The following HSD17B11 variants were observed in gnomAD, a reference collection of about 807,000 sequenced individuals.
The protein encoded by HSD17B11 is hydroxysteroid 17-beta dehydrogenase 11.
Under a neutral mutation model 27.8 loss-of-function variants are expected in HSD17B11, and 22 were observed. The observed-to-expected ratio is 0.79, with a 90% CI of 0.56 to 1.13. HSD17B11 has a LOEUF of 1.13. Ranked by LOEUF, HSD17B11 falls within the 50% of genes most tolerant of loss-of-function variation. The probability of loss-of-function intolerance (pLI) is 0.00; values close to 1 mark genes in which losing one functional copy is unlikely to be tolerated. For missense variants in HSD17B11, 314 were observed against 351.1 expected, an observed-to-expected ratio of 0.89 and a Z score of 0.84; for synonymous variants, 117 against 132.8, an observed-to-expected ratio of 0.88 and a Z score of 0.82.
intron 4 of HSD17B11, 46 bp downstream of exon 4, chr4:87,372,662 CA>C (rs773359342): frequency 1.7e-6 from 2 of 1,147,626 alleles, no homozygotes; most frequent in Non-Finnish European, 2.6e-6. Flanking sequence ...AAATCTCACA[CA>C]CAAGGTAGGC....
chr4:87,378,860 A>T (rs1330327079), intron 2 of HSD17B11, among the ~76,000 whole-genome samples: 2 of 22,432 alleles, frequency 8.9e-5, no homozygotes, highest in African/African-American at 7.7e-4. Context: ...ATATATAAAT[A>T]TATATAAATA....
At chr4:87,364,234 G>A (rs1690335003) in intron 4 of HSD17B11, among the ~76,000 whole-genome samples, 1 of 147,984 alleles carries the variant, frequency 6.8e-6, no homozygotes, top group Admixed American at 6.8e-5. Flanking sequence ...GGACTACTTG[G>A]GAAAAACAAA....
chr4:87,371,884 C>T (rs1735722008), intron 4 of HSD17B11, among the ~76,000 whole-genome samples: 2 of 152,072 alleles, frequency 1.3e-5, no homozygotes, highest in African/African-American at 4.8e-5. Flanking sequence ...TGGAAGTGTA[C>T]AAACCCCTTG....
intron 4 of HSD17B11, among the ~76,000 whole-genome samples, chr4:87,362,626 C>T (rs1411474935): frequency 6.6e-6 from 1 of 152,208 alleles, no homozygotes; most frequent in Non-Finnish European, 1.5e-5. Context: ...AGGTTTGGCA[C>T]TATGGGATGT....
At chr4:87,371,963 CT>C (rs1165260257) in intron 4 of HSD17B11, among the ~76,000 whole-genome samples, 1 of 152,166 alleles carries the variant, frequency 6.6e-6, no homozygotes. Flanking sequence ...CACTTCTCGG[CT>C]GGGCGAGGTG....
intron 3 of HSD17B11, among the ~76,000 whole-genome samples, chr4:87,373,800 A>G (rs1344957572): frequency 1.5e-5 from 2 of 134,202 alleles, no homozygotes; most frequent in Non-Finnish European, 3.2e-5. Context: ...TTAGCATAAA[A>G]TAACACTGCA....
At chr4:87,371,881 G>A (rs1043716763) in intron 4 of HSD17B11, among the ~76,000 whole-genome samples, 4 of 152,154 alleles carry the variant, frequency 2.6e-5, no homozygotes, top group Non-Finnish European at 1.5e-5. Flanking sequence ...AGCTGGAAGT[G>A]TACAAACCCC....
At chr4:87,347,103 ATTTTTTTTTTTTCTTT>A (rs1001155472) in intron 5 of HSD17B11, among the ~76,000 whole-genome samples, 1 of 62,596 alleles carries the variant, frequency 1.6e-5, no homozygotes, top group Non-Finnish European at 2.7e-5. Flanking sequence ...AGTATTCTGG[ATTTTTTTTTTTTCTTT>A]TTTTTTTTTT....
At chr4:87,342,095 G>GTT (rs1420799267) in intron 5 of HSD17B11, among the ~76,000 whole-genome samples, 5 of 152,096 alleles carry the variant, frequency 3.3e-5, no homozygotes, top group African/African-American at 1.2e-4. Context: ...GTTAAAAGAA[G>GTT]TGAGACACCA....
chr4:87,356,138 A>G (rs72652029), intron 5 of HSD17B11, among the ~76,000 whole-genome samples: 27,631 of 152,056 alleles, frequency 0.18, 2,705 homozygotes, highest in African/African-American at 0.25. Flanking sequence ...AGAAGTAGAG[A>G]GTAAGTTGCT....
chr4:87,387,416 C>T (rs930564929), intron 1 of HSD17B11, among the ~76,000 whole-genome samples: 1 of 152,136 alleles, frequency 6.6e-6, no homozygotes, highest in Non-Finnish European at 1.5e-5. Context: ...CCCTCCCTGC[C>T]CTGCCAGCTA....
chr4:87,390,809 C>G (rs1720437776), intron 1 of HSD17B11, 52 bp downstream of exon 1: 1 of 1,522,608 alleles, frequency 6.6e-7, no homozygotes, highest in Non-Finnish European at 9.1e-7. Flanking sequence ...AAAATGCAGA[C>G]ACATCCACAA....
Position 87,346,676 on chromosome 4 carries a change from ATAT to A in HSD17B11, c.696-6073_696-6071del, listed in dbSNP as rs569678703. 3.6e-4 allele frequency among the ~76,000 whole-genome samples: 55 copies of A among 152,186 alleles called. No individual in the cohort carries two copies. In the South Asian group the frequency reaches 7.7e-3, roughly 21 times the overall value. On this transcript the variant is annotated intron_variant, in intron 5 of 6. Coordinates refer to ENST00000358290, the MANE Select transcript of HSD17B11 (RefSeq NM_016245.5). ...AACATAAATAATTAAATGAATGAAA[ATAT>A]TATTGTTGGCCAATTTAATGATAAA... is the stretch of plus-strand genomic sequence containing the variant.
intron 5 of HSD17B11, among the ~76,000 whole-genome samples, chr4:87,355,903 CAA>C (rs70957227): frequency 0.14 from 20,363 of 147,298 alleles, 1,581 homozygotes; most frequent in East Asian, 0.34. Flanking sequence ...AACCCTGTCT[CAA>C]AAAAAACAAA....
At chr4:87,358,587 A>G (rs980860456) in intron 4 of HSD17B11, among the ~76,000 whole-genome samples, 7 of 152,216 alleles carry the variant, frequency 4.6e-5, no homozygotes, top group African/African-American at 1.4e-4. Flanking sequence ...ATATATAATT[A>G]ACTTAAAAGT....
intron 4 of HSD17B11, 134 bp from the exon 5 acceptor site, chr4:87,357,550 C>T (rs1188082850): frequency 2.9e-6 from 2 of 692,254 alleles, no homozygotes; most frequent in Non-Finnish European, 4.5e-6. Flanking sequence ...GCTACTGCAT[C>T]AGAGCCCACA....
At chr4:87,378,808 TATAAATATA>T (rs1169424896) in intron 2 of HSD17B11, among the ~76,000 whole-genome samples, 3 of 111,334 alleles carry the variant, frequency 2.7e-5, no homozygotes, top group African/African-American at 3.6e-5. Context: ...TATATATATA[TATAAATATA>T]AAATATATAT....
Position 87,340,481 on chromosome 4 carries a change from G to A in HSD17B11, c.812+9C>T. 3 of 1,527,794 alleles carry A rather than the reference G, an allele frequency of 2.0e-6. No homozygotes were observed. Among genetic ancestry groups the A allele is most frequent in the Non-Finnish European group, 2.7e-6 (3 of 1,111,922 alleles). The allele number at this position is 1,527,794 out of a possible 1,614,324, so 94.6% of individuals were successfully genotyped here. On this transcript the variant is annotated intron_variant, in intron 6 of 6. Transcript: ENST00000358290. ...CTTTCATTTCTAAGGTTTCTTAACT[G>A]TCACTTACCTTTCCAATGTTGTTAA... is the stretch of plus-strand genomic sequence containing the variant.
chr4:87,378,817 A>AAAATATATATAT (rs1560768918), intron 2 of HSD17B11, among the ~76,000 whole-genome samples: 1 of 73,502 alleles, frequency 1.4e-5, no homozygotes, highest in Non-Finnish European at 2.6e-5. Context: ...ATATAAATAT[A>AAAATATATATAT]AAATATATAT....
Sources: allele counts gnomAD v4.1 joint callset (sites outside exome capture counted in the v4.1 genomes callset), GRCh38; gene constraint gnomAD v4.1.1; transcripts MANE v1.5; gene names NCBI Gene and HGNC (gene_info 2026-07-23, HGNC 2026-07-21).